USP10: variants seen among roughly 807,000 people sequenced by gnomAD.
USP10 encodes the protein ubiquitin carboxyl-terminal hydrolase 10.
In USP10, 22 loss-of-function variants were observed where a neutral mutation model predicts 84.5. The ratio of observed to expected loss-of-function variants is 0.26; its 90% CI spans 0.19 to 0.37. The LOEUF (loss-of-function observed/expected upper bound fraction) is 0.37, where lower values mean the gene tolerates loss of function less well. Among genes scored for constraint, USP10 ranks in the 10% least tolerant of loss-of-function variants. The pLI is 1.00. For missense variants in USP10, 1,019 were observed against 998.9 expected (o/e 1.02, Z -0.27); for synonymous variants, 454 against 387.6 (o/e 1.17, Z -2.01).
chr16:84,715,790 G>A (rs780451911), intron 1 of USP10, among the ~76,000 whole-genome samples: 1 of 152,142 alleles, frequency 6.6e-6, no homozygotes, highest in Non-Finnish European at 1.5e-5. Flanking sequence ...CAGTTTTGAG[G>A]ACGTGGCTTC....
At chr16:84,731,578 A>C (rs560186286) in intron 1 of USP10, among the ~76,000 whole-genome samples, 70 of 152,264 alleles carry the variant, frequency 4.6e-4, no homozygotes, top group African/African-American at 1.7e-3. Context: ...CTTGAAAAGT[A>C]GTTTATAGAA....
At chr16:84,706,205 C>A (rs777946635) in intron 1 of USP10, among the ~76,000 whole-genome samples, 1 of 151,746 alleles carries the variant, frequency 6.6e-6, no homozygotes, top group Non-Finnish European at 1.5e-5. Context: ...CTGCAAGTAT[C>A]AGTCTTTTTA....
chr16:84,732,061 T>G (rs963099981), intron 1 of USP10, among the ~76,000 whole-genome samples: 10 of 152,192 alleles, frequency 6.6e-5, no homozygotes, highest in Admixed American at 6.5e-4. Flanking sequence ...TATGAAAACT[T>G]TTTTGTTCTT....
chr16:84,734,598 G>T lies in USP10; in HGVS notation c.90+1095G>T, dbSNP rs185413721. Among the ~76,000 whole-genome samples, 251 of 151,962 alleles carry T rather than the reference G, an allele frequency of 1.7e-3. 1 individual carries two copies. Among genetic ancestry groups the T allele is most frequent in the Non-Finnish European group, 2.7e-3 (182 of 67,956 alleles). ...ACCCTTTTTGGGGTTGGGTTTTTTT[G>T]TTGTTGTTGTTGGATAAGAGGAGTA... is the stretch of plus-strand genomic sequence containing the variant. On this transcript the variant is annotated intron_variant, in intron 2 of 13. Transcript: ENST00000219473.
Position 84,745,142 on chromosome 16 carries a change from G to C in USP10, c.661G>C (p.Asp221His), listed in dbSNP as rs551562409. 1.2e-6 allele frequency: 2 copies of C among 1,613,528 alleles called. No homozygotes were observed. Among genetic ancestry groups the C allele is most frequent in the East Asian group, 4.5e-5 (2 of 44,880 alleles). Reference protein sequence around the residue: ...SPQNSTDSVSDIVPDSPFPGA... With the variant: ...SPQNSTDSVSHIVPDSPFPGA... Reference sequence around the variant, plus strand: ...CCAGAACTCCACAGACTCTGTCAGTGACATTGTGCCTGACAGTCCTTTCCC... The same window carrying C: ...CCAGAACTCCACAGACTCTGTCAGTCACATTGTGCCTGACAGTCCTTTCCC... Residue 221 changes from aspartate (D) to histidine (H), a missense_variant, in exon 4 of 14, where the codon GAC becomes CAC. Around this residue, in one of 2 missense-constraint regions of USP10, gnomAD observed 787 missense variants for 708.8 expected, o/e 1.11. Transcript: ENST00000219473.
At chr16:84,774,012 G>T (rs956852956) in intron 12 of USP10, among the ~76,000 whole-genome samples, 4 of 152,148 alleles carry the variant, frequency 2.6e-5, no homozygotes, top group African/African-American at 9.7e-5. Context: ...CACTTTGGGA[G>T]GCCGAGGCAG....
At chr16:84,702,385 A>G (rs1704658353) in intron 1 of USP10, among the ~76,000 whole-genome samples, 1 of 152,130 alleles carries the variant, frequency 6.6e-6, no homozygotes, top group Non-Finnish European at 1.5e-5. Flanking sequence ...TCATTTTAAA[A>G]GAATAGTAAT....
At chr16:84,709,728 C>T (rs764042692) in intron 1 of USP10, among the ~76,000 whole-genome samples, 2 of 152,128 alleles carry the variant, frequency 1.3e-5, no homozygotes, top group South Asian at 2.1e-4. Flanking sequence ...GCTGGGAAGA[C>T]GTCTCTTGTA....
chr16:84,765,595 A>G (rs771946842), intron 10 of USP10, among the ~76,000 whole-genome samples: 2 of 151,884 alleles, frequency 1.3e-5, no homozygotes, highest in Non-Finnish European at 2.9e-5. Flanking sequence ...GTTGTGGCAA[A>G]TGGCAGGGTC....
intron 1 of USP10, among the ~76,000 whole-genome samples, chr16:84,712,177 G>C: frequency 6.6e-6 from 1 of 152,194 alleles, no homozygotes; most frequent in East Asian, 1.9e-4. Context: ...TGTATGGCAG[G>C]CTTTGAGGGC....
chr16:84,763,258 A>C (rs35594082), intron 9 of USP10, among the ~76,000 whole-genome samples, 170 bp downstream of exon 9: 35,019 of 152,154 alleles, frequency 0.23, 4,804 homozygotes, highest in East Asian at 0.39. Flanking sequence ...GGTAAATTAC[A>C]GTTTATCCCG....
At chr16:84,718,938 G>A (rs981723367) in intron 1 of USP10, among the ~76,000 whole-genome samples, 1 of 151,392 alleles carries the variant, frequency 6.6e-6, no homozygotes, top group Non-Finnish European at 1.5e-5. Context: ...GATTACAGGC[G>A]CCCGCCACCG....
At chr16:84,735,238 G>GTGT (rs1567612950) in intron 2 of USP10, among the ~76,000 whole-genome samples, 1 of 134,644 alleles carries the variant, frequency 7.4e-6, no homozygotes, top group African/African-American at 2.7e-5. Flanking sequence ...TGTGTGTGTG[G>GTGT]TGTGTGTGTT....
intron 1 of USP10, among the ~76,000 whole-genome samples, chr16:84,708,694 A>G (rs1403188294): frequency 6.6e-6 from 1 of 152,194 alleles, no homozygotes; most frequent in East Asian, 1.9e-4. Context: ...ACACTTCCCA[A>G]CTCAGGTCCC....
intron 1 of USP10, among the ~76,000 whole-genome samples, chr16:84,710,833 G>C (rs114012071): frequency 6.6e-6 from 1 of 152,154 alleles, no homozygotes; most frequent in South Asian, 2.1e-4. Flanking sequence ...TCCCCAGGCC[G>C]TCTGAGCCAG....
At chr16:84,729,509 G>A (rs565908341) in intron 1 of USP10, among the ~76,000 whole-genome samples, 4 of 152,318 alleles carry the variant, frequency 2.6e-5, no homozygotes, top group Admixed American at 6.5e-5. Context: ...AAAGATACAT[G>A]TAGTTTATCT....
At chr16:84,758,928 G>A in intron 5 of USP10, 121 bp downstream of exon 5, 4 of 736,474 alleles carry the variant, frequency 5.4e-6, no homozygotes, top group Admixed American at 4.4e-5. Flanking sequence ...CCTAAGTCTG[G>A]TTTATTACTT....
intron 1 of USP10, among the ~76,000 whole-genome samples, chr16:84,703,194 A>G (rs1905109962): frequency 6.6e-6 from 1 of 152,200 alleles, no homozygotes; most frequent in Admixed American, 6.5e-5. Flanking sequence ...GAACTTTAAC[A>G]GTTGAAGTGT....
intron 4 of USP10, among the ~76,000 whole-genome samples, chr16:84,752,666 C>T (rs1029544115): frequency 6.6e-5 from 10 of 152,198 alleles, no homozygotes; most frequent in Non-Finnish European, 1.2e-4. Context: ...AGGATTCATT[C>T]ACTTGAACAT....
Sources: allele counts gnomAD v4.1 joint callset (sites outside exome capture counted in the v4.1 genomes callset), GRCh38; gene constraint gnomAD v4.1.1; regional missense constraint gnomAD v4.1.1; transcripts MANE v1.5; gene names NCBI Gene and HGNC (gene_info 2026-07-23, HGNC 2026-07-21).